Variants in NCALD observed in about 807,000 individuals in gnomAD.
NCALD encodes the protein neurocalcin-delta.
NCALD carries 10 observed loss-of-function variants against 18.6 expected under a neutral mutation model. That is an observed-to-expected ratio of 0.54 (90% confidence interval 0.33 to 0.91). The LOEUF (loss-of-function observed/expected upper bound fraction) is 0.91, where lower values mean the gene tolerates loss of function less well. NCALD is among the 40% of genes least tolerant of loss of function. The probability of loss-of-function intolerance (pLI) is 0.03; values close to 1 mark genes in which losing one functional copy is unlikely to be tolerated. For missense variants in NCALD, 184 were observed against 247.6 expected, an observed-to-expected ratio of 0.74 and a Z score of 1.72; for synonymous variants, 88 against 87.4, an observed-to-expected ratio of 1.01 and a Z score of -0.04.
intron 1 of NCALD, among the ~76,000 whole-genome samples, chr8:102,066,252 C>A (rs1476292165): frequency 6.6e-6 from 1 of 152,248 alleles, no homozygotes; most frequent in Non-Finnish European, 1.5e-5. Flanking sequence ...GAGCCACTCC[C>A]TCCTCACTCA....
intron 1 of NCALD, among the ~76,000 whole-genome samples, chr8:102,040,461 G>C (rs1200384518): frequency 7.6e-6 from 1 of 131,712 alleles, no homozygotes; most frequent in Non-Finnish European, 1.6e-5. Flanking sequence ...GTGATAGAGT[G>C]AGAATCCATC....
At chr8:102,084,555 CCTTGATGGGGTGTT>C (rs1563604071) in intron 1 of NCALD, among the ~76,000 whole-genome samples, 1 of 152,206 alleles carries the variant, frequency 6.6e-6, no homozygotes, top group African/African-American at 2.4e-5. Context: ...CTGATTCTTC[CCTTGATGGGGTGTT>C]GTCTGCCTGC....
intron 2 of NCALD, among the ~76,000 whole-genome samples, chr8:101,988,154 C>CAAAAAAAAAAAAAAAAA (rs141735735): frequency 1.3e-4 from 5 of 37,158 alleles, no homozygotes; most frequent in African/African-American, 2.8e-4. Flanking sequence ...GACTCCGTCT[C>CAAAAAAAAAAAAAAAAA]AAAAAAAAAA....
intron 1 of NCALD, among the ~76,000 whole-genome samples, chr8:101,772,432 T>C (rs183778918): frequency 1.6e-4 from 24 of 152,322 alleles, no homozygotes; most frequent in African/African-American, 5.5e-4. Context: ...CTTGTCAGAA[T>C]GGCCTGTTAA....
intron 2 of NCALD, among the ~76,000 whole-genome samples, chr8:101,964,626 T>A (rs983351986): frequency 3.3e-5 from 5 of 152,186 alleles, no homozygotes; most frequent in Non-Finnish European, 5.9e-5. Context: ...GACTTACCTG[T>A]GTAACCAGAA....
At chr8:101,785,939 T>C (rs147349379) in intron 1 of NCALD, 1 of 152,364 alleles carries the variant, frequency 6.6e-6, no homozygotes, top group East Asian at 1.9e-4. Context: ...TTCTGGGGTT[T>C]CACTCTGGTG....
At chr8:101,788,581 T>C (rs918027380) in intron 1 of NCALD, 5 of 152,216 alleles carry the variant, frequency 3.3e-5, no homozygotes, top group African/African-American at 9.6e-5. Flanking sequence ...TAAAATTTAG[T>C]TAACGTTTTT....
At chr8:102,109,868 T>C (rs534240647) in intron 1 of NCALD, among the ~76,000 whole-genome samples, 1 of 152,304 alleles carries the variant, frequency 6.6e-6, no homozygotes, top group South Asian at 2.1e-4. Context: ...ATTTCAAACA[T>C]TCAAAGGCAT....
At chr8:101,955,823 A>G (rs1443313150) in intron 2 of NCALD, among the ~76,000 whole-genome samples, 1 of 152,220 alleles carries the variant, frequency 6.6e-6, no homozygotes, top group Non-Finnish European at 1.5e-5. Context: ...ACTGTAGCTT[A>G]GATACTAGTA....
chr8:101,954,439 T>C (rs1819547314), intron 2 of NCALD, among the ~76,000 whole-genome samples: 2 of 152,190 alleles, frequency 1.3e-5, no homozygotes, highest in Non-Finnish European at 2.9e-5. Flanking sequence ...CTTTCCCTTC[T>C]GAACCCACCT....
intron 2 of NCALD, among the ~76,000 whole-genome samples, chr8:102,010,573 G>A (rs1453992862): frequency 6.6e-6 from 1 of 152,140 alleles, no homozygotes; most frequent in Non-Finnish European, 1.5e-5. Flanking sequence ...AACAGTAACA[G>A]GATCAGAAAG....
rs148407155 is a variant in NCALD at position 102,024,999 on chromosome 8, G to A, written c.-209-4710C>T. The stretch of plus-strand genomic sequence containing the variant: ...ATTGCTCCCCATCCCAACTCCAAAA[G>A]AGCCCATGTAACCATTATGTCTTTT... On this transcript the variant is annotated intron_variant, in intron 1 of 6. Coordinates refer to the NCALD transcript ENST00000311028. Among the ~76,000 whole-genome samples, 465 of 152,208 alleles carry A rather than the reference G, an allele frequency of 3.1e-3. 3 individuals carry two copies. The highest frequency in any genetic ancestry group is 0.017 in the Middle Eastern group (5 of 294).
chr8:101,808,366 T>C (rs1408063239), intron 4 of NCALD, among the ~76,000 whole-genome samples: 1 of 152,216 alleles, frequency 6.6e-6, no homozygotes, highest in Non-Finnish European at 1.5e-5. Flanking sequence ...AACTTTACTA[T>C]AAGATTTAAG....
intron 4 of NCALD, among the ~76,000 whole-genome samples, chr8:101,865,607 T>C (rs1485725695): frequency 2.0e-5 from 3 of 151,658 alleles, no homozygotes; most frequent in African/African-American, 7.3e-5. Context: ...CTCTCTCTCT[T>C]TCTCTCCTCT....
chr8:101,825,367 G>T (rs1384462456), intron 4 of NCALD, among the ~76,000 whole-genome samples: 6 of 152,230 alleles, frequency 3.9e-5, no homozygotes, highest in Non-Finnish European at 8.8e-5. Context: ...GCAGCCTGAG[G>T]ACTTGTGGAG....
chr8:101,835,631 T>C (rs148656255), intron 4 of NCALD, among the ~76,000 whole-genome samples: 1,667 of 152,310 alleles, frequency 0.011, 17 homozygotes, highest in Middle Eastern at 0.037. Context: ...AGGGCAGGGC[T>C]AGAAATGACA....
intron 4 of NCALD, among the ~76,000 whole-genome samples, chr8:101,866,499 T>A (rs933864172): frequency 7.2e-5 from 11 of 152,236 alleles, no homozygotes; most frequent in African/African-American, 2.7e-4. Context: ...TTTGCATGTC[T>A]AATAGATGTT....
At chr8:101,918,740 CCACACACACACA>C (rs34480976) in intron 2 of NCALD, among the ~76,000 whole-genome samples, 2 of 140,658 alleles carry the variant, frequency 1.4e-5, no homozygotes, top group African/African-American at 2.5e-5. Flanking sequence ...TTTACAATAG[CCACACACACACA>C]CACACACACA....
intron 1 of NCALD, among the ~76,000 whole-genome samples, chr8:102,057,037 C>T (rs1823675802): frequency 6.6e-6 from 1 of 152,124 alleles, no homozygotes; most frequent in Non-Finnish European, 1.5e-5. Flanking sequence ...TCAAACATTC[C>T]TAACAACCCT....
Sources: gnomAD v4.1 joint callset for allele counts (sites outside exome capture counted in the v4.1 genomes callset) on GRCh38, gnomAD v4.1.1 for gene constraint, MANE v1.5 for transcripts, NCBI Gene and HGNC (gene_info 2026-07-23, HGNC 2026-07-21) for gene names.